Variants in ATP8A1 observed in about 807,000 individuals in gnomAD.
ATP8A1 encodes phospholipid-transporting ATPase IA.
In ATP8A1, 90 loss-of-function variants were observed where a neutral mutation model predicts 177.7. The ratio of observed to expected loss-of-function variants is 0.51; its 90% CI spans 0.43 to 0.60. The LOEUF (loss-of-function observed/expected upper bound fraction) is 0.60, where lower values mean the gene tolerates loss of function less well. Ranked by LOEUF, ATP8A1 falls within the 20% of genes least tolerant of loss-of-function variation. ATP8A1 has a pLI of 0.00. For missense variants in ATP8A1, 1,072 were observed against 1,392.8 expected (o/e 0.77, Z 3.67); for synonymous variants, 493 against 485.9 (o/e 1.01, Z -0.19).
Position 42,588,320 on chromosome 4 carries a change from T to G in ATP8A1, c.534A>C (p.Gln178His), listed in dbSNP as rs780431891. 1 of 1,613,600 alleles carries G rather than the reference T, an allele frequency of 6.2e-7. No individual in the cohort carries two copies. Among genetic ancestry groups the G allele is most frequent in the Non-Finnish European group, 8.5e-7 (1 of 1,179,786 alleles). Residue 178 changes from glutamine to histidine, a missense_variant, in exon 8 of 37, where the codon CAA (glutamine) becomes CAC (histidine). Gln to His is a conservative substitution (Grantham distance 24, BLOSUM62 0). Transcript: ENST00000381668. ...DLISLSSSEP[Q>H]AMCYIETSNL... ...TGGATGTTTCAATGTAGCACATGGC[T>G]TGGGGCTCACTGTAGTTTGGAGTTG... is the stretch of plus-strand genomic sequence containing the variant.
chr4:42,432,027 T>G (rs1476148307), intron 33 of ATP8A1, among the ~76,000 whole-genome samples: 2 of 152,248 alleles, frequency 1.3e-5, no homozygotes, highest in African/African-American at 2.4e-5. Context: ...TATGCTCTAT[T>G]AGCGAGGTAT....
chr4:42,524,110 AC>A (rs1726431130), intron 21 of ATP8A1, among the ~76,000 whole-genome samples: 3 of 151,738 alleles, frequency 2.0e-5, no homozygotes, highest in Admixed American at 1.3e-4. Context: ...ATGTTTAACA[AC>A]CCTCGCTGCC....
In ATP8A1 at chr4:42,485,522, C is replaced by A; in HGVS notation, c.2298G>T (p.Leu766Phe). The A allele has an allele frequency of 6.2e-7, 1 of 1,611,882 alleles. No individual in the cohort carries two copies. Among genetic ancestry groups the A allele is most frequent in the Non-Finnish European group, 8.5e-7 (1 of 1,179,258 alleles). Residue 766 changes from leucine to phenylalanine, a missense_variant, in exon 25 of 37, where the codon TTG becomes TTT. Leu to Phe is a conservative substitution (Grantham distance 22, BLOSUM62 0). Around this residue, in one of 5 missense-constraint regions of ATP8A1, gnomAD observed 388 missense variants for 471.7 expected, o/e 0.82. Coordinates refer to ENST00000381668, the MANE Select transcript of ATP8A1 (RefSeq NM_006095.2). The part of the protein sequence containing the change: ...GVRQYFLDLA[L>F]SCKAVICCRV... ...GACAGCAAATGACAGCTTTGCATGA[C>A]AAAGCTAAGTCCAGGAAATACTGTC...
chr4:42,594,157 T>C (rs1577665867), intron 6 of ATP8A1: 1 of 520,530 alleles, frequency 1.9e-6, no homozygotes, highest in Non-Finnish European at 3.4e-6. Flanking sequence ...ATTTTTTAAA[T>C]GTTTAAATAA....
chr4:42,559,853 G>A (rs559822885), intron 15 of ATP8A1, among the ~76,000 whole-genome samples: 1 of 152,194 alleles, frequency 6.6e-6, no homozygotes, highest in East Asian at 1.9e-4. Flanking sequence ...TTACAGGCAT[G>A]TGTCATCACT....
At chr4:42,470,816 T>A (rs1720315903) in intron 25 of ATP8A1, among the ~76,000 whole-genome samples, 1 of 152,196 alleles carries the variant, frequency 6.6e-6, no homozygotes, top group South Asian at 2.1e-4. Context: ...TGAGGTCTGC[T>A]CCAGGTGCCT....
chr4:42,441,701 T>G (rs941117603), intron 33 of ATP8A1, among the ~76,000 whole-genome samples: 9 of 152,090 alleles, frequency 5.9e-5, no homozygotes, highest in Admixed American at 4.6e-4. Context: ...CAAAATGCTT[T>G]GGGAGCACTA....
intron 20 of ATP8A1, among the ~76,000 whole-genome samples, chr4:42,543,252 T>C (rs1728586317): frequency 6.6e-6 from 1 of 152,088 alleles, no homozygotes; most frequent in Non-Finnish European, 1.5e-5. Flanking sequence ...GTTGACTCTA[T>C]TCAAAATAGG....
intron 5 of ATP8A1, among the ~76,000 whole-genome samples, chr4:42,603,168 T>C (rs777918602): frequency 8.5e-5 from 13 of 152,212 alleles, no homozygotes; most frequent in Non-Finnish European, 1.8e-4. Context: ...GAACACACTA[T>C]CTTCCTGGAA....
chr4:42,633,680 G>C (rs962700856), intron 1 of ATP8A1, among the ~76,000 whole-genome samples: 1 of 152,172 alleles, frequency 6.6e-6, no homozygotes, highest in South Asian at 2.1e-4. Context: ...TTACCTCAAA[G>C]GGTGGTTGTA....
At chr4:42,538,592 C>T (rs1233515067) in intron 20 of ATP8A1, among the ~76,000 whole-genome samples, 2 of 152,076 alleles carry the variant, frequency 1.3e-5, no homozygotes, top group African/African-American at 2.4e-5. Context: ...AAAAAGTGGG[C>T]TAAGGACATG....
chr4:42,455,619 A>T lies in ATP8A1; in HGVS notation c.2620-20T>A. On this transcript the variant is annotated intron_variant, in intron 27 of 36. Transcript: ENST00000381668. ...CCAGATCTAGGAAAAAAAACCCAAA[A>T]CCCCCAAATTAGAATACAAAAGCAT... The T allele has an allele frequency of 6.2e-7, 1 of 1,607,258 alleles. No individual in the cohort carries two copies. Among genetic ancestry groups the T allele is most frequent in the Non-Finnish European group, 8.5e-7 (1 of 1,177,358 alleles).
intron 27 of ATP8A1, among the ~76,000 whole-genome samples, chr4:42,456,097 G>A (rs1013036601): frequency 9.9e-5 from 15 of 152,028 alleles, no homozygotes; most frequent in Non-Finnish European, 1.9e-4. Flanking sequence ...TACCTTACTG[G>A]AAACCTGCAT....
rs112959659 is a variant in ATP8A1, at chr4:42,582,120, C to T, written c.723-388G>A. ...ATTAATGCCCTTATAAAAAGACACT[C>T]GAGGAGTTTACTCTTGTCCTTGTGA... On this transcript the variant is annotated intron_variant, in intron 9 of 36. Coordinates refer to ENST00000381668, the MANE Select transcript of ATP8A1 (RefSeq NM_006095.2). Among the ~76,000 whole-genome samples the T allele has an allele frequency of 3.3e-3, 495 of 152,178 alleles. 3 individuals are homozygous for T. Among genetic ancestry groups the T allele is most frequent in the African/African-American group, 0.011 (466 of 41,516 alleles).
At chr4:42,441,813 T>C (rs1240682479) in intron 33 of ATP8A1, among the ~76,000 whole-genome samples, 2 of 152,248 alleles carry the variant, frequency 1.3e-5, no homozygotes, top group Admixed American at 1.3e-4. Context: ...TCCATTTTCA[T>C]ATTTTCAGTG....
rs1712735363 is a variant in ATP8A1, at chr4:42,412,536, T to C, written c.*380A>G. On this transcript the variant is annotated 3_prime_UTR_variant, in exon 37 of 37. Coordinates refer to ENST00000381668, the MANE Select transcript of ATP8A1 (RefSeq NM_006095.2). ...CAAGAGTCCCTTTAACTAAATATCA[T>C]TTAGAGTTTTTTAATGGTTGGTTAC... The C allele has an allele frequency of 1.3e-5, 2 of 156,618 alleles. No individual in the cohort carries two copies. Among genetic ancestry groups the C allele is most frequent in the South Asian group, 2.0e-4 (1 of 4,934 alleles). 9.7% of individuals were successfully genotyped at this position (156,618 alleles called of 1,614,324 possible).
At chr4:42,537,336 G>A (rs932255916) in intron 20 of ATP8A1, among the ~76,000 whole-genome samples, 1 of 151,626 alleles carries the variant, frequency 6.6e-6, no homozygotes, top group African/African-American at 2.4e-5. Flanking sequence ...AAAGTTGAAA[G>A]CATTCCCCCG....
intron 33 of ATP8A1, among the ~76,000 whole-genome samples, chr4:42,438,518 G>C (rs1480647893): frequency 6.6e-6 from 1 of 152,110 alleles, no homozygotes; most frequent in African/African-American, 2.4e-5. Flanking sequence ...AAGTGAGATG[G>C]AATTTCTCTA....
chr4:42,557,500 C>G (rs1274514044), intron 15 of ATP8A1, among the ~76,000 whole-genome samples: 1 of 152,136 alleles, frequency 6.6e-6, no homozygotes, highest in African/African-American at 2.4e-5. Context: ...CAAAGAATTC[C>G]AGACTAAAAG....
Sources: allele counts gnomAD v4.1 joint callset (sites outside exome capture counted in the v4.1 genomes callset), GRCh38; gene constraint gnomAD v4.1.1; regional missense constraint gnomAD v4.1.1; transcripts MANE v1.5; gene names NCBI Gene and HGNC (gene_info 2026-07-23, HGNC 2026-07-21).